The following MET variants were observed in gnomAD, a reference collection of about 807,000 sequenced individuals.
The protein encoded by MET is hepatocyte growth factor receptor.
In MET, 48 loss-of-function variants were observed where a neutral mutation model predicts 133.1. The ratio of observed to expected loss-of-function variants is 0.36; its 90% CI spans 0.29 to 0.46. The LOEUF is 0.46. MET is among the 20% of genes least tolerant of loss of function. MET has a pLI of 1.00. For synonymous variants in MET, 628 were observed against 616.5 expected, an observed-to-expected ratio of 1.02 and a Z score of -0.28; for missense variants, 1,442 against 1,695.9, an observed-to-expected ratio of 0.85 and a Z score of 2.63.
At chr7:116,772,787 G>A (rs887445250) in intron 14 of MET, among the ~76,000 whole-genome samples, 4 of 152,144 alleles carry the variant, frequency 2.6e-5, no homozygotes, top group Admixed American at 1.3e-4. Flanking sequence ...CAAGAGCAAT[G>A]AAGCACTTAA....
chr7:116,742,974 G>A (rs1202196416), intron 5 of MET, among the ~76,000 whole-genome samples: 2 of 152,222 alleles, frequency 1.3e-5, no homozygotes, highest in African/African-American at 4.8e-5. Flanking sequence ...GCTCCGGTCT[G>A]CAGCTCGCAG....
chr7:116,700,544 TAA>T (rs1374222095), intron 2 of MET, among the ~76,000 whole-genome samples: 1 of 152,234 alleles, frequency 6.6e-6, no homozygotes, highest in Non-Finnish European at 1.5e-5. Flanking sequence ...CAGATTATAT[TAA>T]AGTTATTTCC....
intron 10 of MET, among the ~76,000 whole-genome samples, chr7:116,759,903 G>A (rs1419255057): frequency 6.6e-6 from 1 of 152,098 alleles, no homozygotes; most frequent in Non-Finnish European, 1.5e-5. Context: ...AGCCTCCCAA[G>A]TAGCTGAGAC....
chr7:116,713,820 C>G (rs1792092460), intron 2 of MET, among the ~76,000 whole-genome samples: 1 of 152,168 alleles, frequency 6.6e-6, no homozygotes, highest in Admixed American at 6.5e-5. Flanking sequence ...TTCATCTCTC[C>G]TGGCCCTCTG....
chr7:116,716,476 AG>A, intron 2 of MET, among the ~76,000 whole-genome samples: 1 of 63,588 alleles, frequency 1.6e-5, no homozygotes, highest in Non-Finnish European at 3.2e-5. Flanking sequence ...AGAGAAAGAA[AG>A]AAAGAAAGAA....
intron 1 of MET, among the ~76,000 whole-genome samples, chr7:116,679,219 C>T (rs1045906455): frequency 6.6e-6 from 1 of 152,042 alleles, no homozygotes; most frequent in Non-Finnish European, 1.5e-5. Context: ...TTGAATGACT[C>T]TTTCTTCTGC....
At chr7:116,747,505 A>G (rs895832805) in intron 5 of MET, among the ~76,000 whole-genome samples, 2 of 152,232 alleles carry the variant, frequency 1.3e-5, no homozygotes, top group African/African-American at 4.8e-5. Flanking sequence ...ACTTCAAACC[A>G]ACAAAGATCA....
At chr7:116,781,822 C>T (rs896530720) in intron 17 of MET, among the ~76,000 whole-genome samples, 166 bp from the exon 18 acceptor site, 1 of 152,226 alleles carries the variant, frequency 6.6e-6, no homozygotes, top group Non-Finnish European at 1.5e-5. Flanking sequence ...AAGCCATCCT[C>T]TCGCCTTGGC....
chr7:116,742,249 G>A (rs375637790), intron 5 of MET, among the ~76,000 whole-genome samples: 3 of 152,178 alleles, frequency 2.0e-5, no homozygotes, highest in African/African-American at 7.2e-5. Context: ...TTTAAACCAA[G>A]TTATTTTCTG....
intron 1 of MET, among the ~76,000 whole-genome samples, chr7:116,696,645 C>T (rs915101691): frequency 6.6e-6 from 1 of 152,192 alleles, no homozygotes; most frequent in African/African-American, 2.4e-5. Flanking sequence ...CTGTGGGTAT[C>T]CCCTAAGATT....
rs1795675254 is a variant in MET, at chr7:116,796,293, C to A, written c.*169C>A. 1.4e-6 allele frequency: 1 copy of A among 693,604 alleles called. No homozygotes were observed. Among genetic ancestry groups the A allele is most frequent in the African/African-American group, 1.8e-5 (1 of 56,768 alleles). The allele number at this position is 693,604 out of a possible 1,614,324, so 43.0% of individuals were successfully genotyped here. A position where few individuals can be genotyped will look rare whatever the true frequency, so the allele number is the denominator to read the frequency against. ...CTAAGGAATTTCTTATCTGACAGAGCATCAGAACCAGAGGCTTGGTCCCAC... is the reference window on the plus strand; with the variant it reads ...CTAAGGAATTTCTTATCTGACAGAGAATCAGAACCAGAGGCTTGGTCCCAC... On this transcript the variant is annotated 3_prime_UTR_variant, in exon 21 of 21. Transcript: ENST00000397752.
chr7:116,717,145 A>G (rs999796429), intron 2 of MET, among the ~76,000 whole-genome samples: 1 of 152,204 alleles, frequency 6.6e-6, no homozygotes, highest in African/African-American at 2.4e-5. Context: ...TCAGATTCTT[A>G]GGGTTTGACC....
At chr7:116,751,843 C>A (rs556695962) in intron 5 of MET, among the ~76,000 whole-genome samples, 1 of 152,006 alleles carries the variant, frequency 6.6e-6, no homozygotes, top group South Asian at 2.1e-4. Flanking sequence ...GGGCAGATCA[C>A]GAGGTCAGGA....
chr7:116,733,534 T>C (rs1793103028), intron 3 of MET, among the ~76,000 whole-genome samples: 2 of 152,218 alleles, frequency 1.3e-5, no homozygotes, highest in South Asian at 4.1e-4. Context: ...AATTCTGCTG[T>C]GTGACAGAGT....
intron 10 of MET, among the ~76,000 whole-genome samples, chr7:116,761,988 G>T (rs1584945938): frequency 6.6e-6 from 1 of 152,128 alleles, no homozygotes; most frequent in African/African-American, 2.4e-5. Flanking sequence ...AAGGGATGTT[G>T]TTGCTTGTTT....
intron 2 of MET, among the ~76,000 whole-genome samples, chr7:116,716,947 T>C (rs1248026146): frequency 6.6e-6 from 1 of 152,204 alleles, no homozygotes; most frequent in African/African-American, 2.4e-5. Context: ...TTGAAGCCTC[T>C]TAAATTTTGC....
intron 11 of MET, among the ~76,000 whole-genome samples, chr7:116,767,192 A>G (rs1235876336): frequency 1.3e-5 from 2 of 152,148 alleles, no homozygotes; most frequent in South Asian, 4.2e-4. Flanking sequence ...GTTATTTTTC[A>G]GATCCTACCC....
chr7:116,787,361 C>T (rs947046038), intron 19 of MET, among the ~76,000 whole-genome samples: 1 of 152,102 alleles, frequency 6.6e-6, no homozygotes, highest in Non-Finnish European at 1.5e-5. Context: ...CTGTCTTAGT[C>T]GTTTTGTGCT....
At chr7:116,737,744 CAT>C (rs59088564) in intron 3 of MET, among the ~76,000 whole-genome samples, 22,025 of 152,056 alleles carry the variant, frequency 0.14, 1,988 homozygotes, top group East Asian at 0.28. Context: ...AGAGGATACA[CAT>C]ATCAATCAAT....
Sources: allele counts gnomAD v4.1 joint callset (sites outside exome capture counted in the v4.1 genomes callset), GRCh38; gene constraint gnomAD v4.1.1; transcripts MANE v1.5; gene names NCBI Gene and HGNC (gene_info 2026-07-23, HGNC 2026-07-21).